The following KCNQ1 variants were observed in gnomAD, a reference collection of about 807,000 sequenced individuals.
KCNQ1 encodes the protein potassium voltage-gated channel subfamily Q member 1, also known as potassium voltage-gated channel subfamily KQT member 1.
In KCNQ1, 49 loss-of-function variants were observed where a neutral mutation model predicts 72.4. The ratio of observed to expected loss-of-function variants is 0.68; its 90% CI spans 0.54 to 0.86. The LOEUF is 0.86. Ranked by LOEUF, KCNQ1 falls within the 40% of genes least tolerant of loss-of-function variation. The pLI is 0.00. For missense variants in KCNQ1, 790 were observed against 945.1 expected (o/e 0.84, Z 2.15); for synonymous variants, 450 against 412.6 (o/e 1.09, Z -1.10).
chr11:2,497,266 A>G lies in KCNQ1; in HGVS notation c.387-30662A>G, dbSNP rs1422760987. On this transcript the variant is annotated intron_variant, in intron 1 of 15. Transcript: ENST00000155840. This position sits in a 1 kb window ranked among gnomAD's most constrained non-coding sequence, Gnocchi z 4.5. ...ATAATATCCTGAAGTGTGTTTTCCA[A>G]CTTGGTTCCATTCTCCCCGTCACTT... Among the ~76,000 whole-genome samples the G allele has an allele frequency of 1.3e-5, 2 of 152,106 alleles. No individual in the cohort carries two copies. Among genetic ancestry groups the G allele is most frequent in the Non-Finnish European group, 2.9e-5 (2 of 68,022 alleles).
chr11:2,586,775 C>T (rs933089825), intron 8 of KCNQ1, among the ~76,000 whole-genome samples: 6 of 152,250 alleles, frequency 3.9e-5, no homozygotes, highest in East Asian at 1.9e-4. Context: ...GGGGCTGTCA[C>T]CCAGGAGCCC....
In KCNQ1 at chr11:2,477,426, A is replaced by G. The variant is rs936168803; in HGVS notation, c.386+31942A>G. On this transcript the variant is annotated intron_variant, in intron 1 of 15. Transcript: ENST00000155840. The surrounding 1 kb of genome is among the most constrained non-coding windows in gnomAD (Gnocchi z 5.0). ...AATTAGGATGCCGTCTGCTACTGAG[A>G]GAGCCAGTCATGTTAGTGGCTCAAT... 6.6e-6 allele frequency among the ~76,000 whole-genome samples: 1 copy of G among 152,220 alleles called. No homozygotes were observed. Among genetic ancestry groups the G allele is most frequent in the Non-Finnish European group, 1.5e-5 (1 of 68,034 alleles).
intron 3 of KCNQ1, 121 bp from the exon 4 acceptor site, chr11:2,571,204 A>G (rs1459534449): frequency 1.2e-6 from 1 of 820,694 alleles, no homozygotes; most frequent in South Asian, 1.4e-5. Flanking sequence ...GTCCCCGGTC[A>G]TCAGGGCGTG....
rs918066338 is a variant in KCNQ1 at position 2,468,810 on chromosome 11, G to A, written c.386+23326G>A. On this transcript the variant is annotated intron_variant, in intron 1 of 15. Transcript: ENST00000155840. This position sits in a 1 kb window ranked among gnomAD's most constrained non-coding sequence, Gnocchi z 5.7. ...TGCACCTGTTGATGGACATGTGGGC[G>A]GCTGTATCCCATTTGGGCTCTCACA... 2.6e-5 allele frequency among the ~76,000 whole-genome samples: 4 copies of A among 152,154 alleles called. No individual in the cohort carries two copies. Among genetic ancestry groups the A allele is most frequent in the Admixed American group, 1.3e-4 (2 of 15,276 alleles).
chr11:2,459,170 C>T lies in KCNQ1; in HGVS notation c.386+13686C>T, dbSNP rs761226471. ...TGGCCATGTTACCTCAACTGCAAAA[C>T]GAGAGACGGACTTCCTTGGGACGCG... On this transcript the variant is annotated intron_variant, in intron 1 of 15. Coordinates refer to ENST00000155840, the MANE Select transcript of KCNQ1 (RefSeq NM_000218.3). Among the ~76,000 whole-genome samples, 38 of 152,200 alleles carry T rather than the reference C, an allele frequency of 2.5e-4. 1 individual carries two copies. The highest frequency in any genetic ancestry group is 7.7e-4 in the African/African-American group (32 of 41,452).
chr11:2,648,020 C>T, intron 10 of KCNQ1: 1 of 396,686 alleles, frequency 2.5e-6, no homozygotes. Context: ...TTGAGACCAG[C>T]CTGAGCAACA....
Position 2,682,185 on chromosome 11 carries a change from C to T in KCNQ1, c.1514+20104C>T, listed in dbSNP as rs765434276. The T allele has an allele frequency of 2.5e-6, 1 of 398,616 alleles. No individual in the cohort carries two copies. The highest frequency in any genetic ancestry group is 4.4e-6 in the Non-Finnish European group (1 of 226,090). The allele number at this position is 398,616 out of a possible 1,614,324, so 24.7% of individuals were successfully genotyped here. On this transcript the variant is annotated intron_variant, in intron 11 of 15. Transcript: ENST00000155840. The surrounding 1 kb of genome is among the most constrained non-coding windows in gnomAD (Gnocchi z 5.8). Reference sequence around the variant, plus strand: ...ATATCAAGCTCTCTCCTGACCTTCTCTCCCCTTCCCCAGGCCAGGACTGTC... The same window carrying T: ...ATATCAAGCTCTCTCCTGACCTTCTTTCCCCTTCCCCAGGCCAGGACTGTC...
In KCNQ1 at chr11:2,784,385, A is replaced by G. The variant is rs934109515; in HGVS notation, c.1794+6348A>G. Among the ~76,000 whole-genome samples the G allele has an allele frequency of 4.6e-5, 7 of 151,900 alleles. No individual in the cohort carries two copies. Among genetic ancestry groups the G allele is most frequent in the Non-Finnish European group, 7.4e-5 (5 of 67,816 alleles). On this transcript the variant is annotated intron_variant, in intron 15 of 15. Transcript: ENST00000155840. The surrounding 1 kb of genome is among the most constrained non-coding windows in gnomAD (Gnocchi z 4.7). ...GGTCTATATGCCTTTCTGTAAGTCT[A>G]TATGCCTTTCTGTAAACCCATACTA...
chr11:2,655,183 A>G (rs1849823523), intron 10 of KCNQ1: 1 of 398,482 alleles, frequency 2.5e-6, no homozygotes. Flanking sequence ...TGAGAGGGTG[A>G]GACTTGGCAG....
At chr11:2,505,689 T>C (rs926813509) in intron 1 of KCNQ1, among the ~76,000 whole-genome samples, 1 of 152,250 alleles carries the variant, frequency 6.6e-6, no homozygotes, top group Non-Finnish European at 1.5e-5. Flanking sequence ...TGTAACATCT[T>C]CTTGCAGCCT....
At chr11:2,572,160 G>C in intron 5 of KCNQ1, 51 bp downstream of exon 5, 1 of 1,406,184 alleles carries the variant, frequency 7.1e-7, no homozygotes, top group Non-Finnish European at 1.0e-6. Flanking sequence ...ACAGGACGGA[G>C]GGAGCAGAGC....
At chr11:2,596,947 AAAG>A (rs1215882625) in intron 10 of KCNQ1, among the ~76,000 whole-genome samples, 5 of 152,026 alleles carry the variant, frequency 3.3e-5, no homozygotes, top group African/African-American at 1.2e-4. Flanking sequence ...TTGATAACCT[AAAG>A]AAACCAGTTG....
Position 2,687,555 on chromosome 11 carries a change from C to A in KCNQ1, c.1514+25474C>A. 2 of 398,722 alleles carry A rather than the reference C, an allele frequency of 5.0e-6. No individual in the cohort carries two copies. Among genetic ancestry groups the A allele is most frequent in the Non-Finnish European group, 4.4e-6 (1 of 226,154 alleles). The allele number at this position is 398,722 out of a possible 1,614,324, so 24.7% of individuals were successfully genotyped here. On this transcript the variant is annotated intron_variant, in intron 11 of 15. Transcript: ENST00000155840. This position sits in a 1 kb window ranked among gnomAD's most constrained non-coding sequence, Gnocchi z 5.0. ...CCTTCCCTGGTGCACCTACCACAGC[C>A]CACTCTGATGACCCCCTGTCAAGGA...
rs1434843563 is a variant in KCNQ1 at position 2,762,896 on chromosome 11, C to A, written c.1515-5948C>A. Among the ~76,000 whole-genome samples, 4 of 152,054 alleles carry A rather than the reference C, an allele frequency of 2.6e-5. No individual in the cohort carries two copies. The highest frequency in any genetic ancestry group is 9.7e-5 in the African/African-American group (4 of 41,384). On this transcript the variant is annotated intron_variant, in intron 11 of 15. Coordinates refer to ENST00000155840, the MANE Select transcript of KCNQ1 (RefSeq NM_000218.3). This position sits in a 1 kb window ranked among gnomAD's most constrained non-coding sequence, Gnocchi z 4.3. ...GGAACCACTGCCCTATTCCGTCAGA[C>A]CCCCACTGTTCATCTGTCTGCCCAC...
At chr11:2,499,728 T>C (rs1846979582) in intron 1 of KCNQ1, among the ~76,000 whole-genome samples, 3 of 152,108 alleles carry the variant, frequency 2.0e-5, no homozygotes, top group Admixed American at 2.0e-4. Flanking sequence ...AAGAAGGTCA[T>C]TACATCATGA....
intron 10 of KCNQ1, among the ~76,000 whole-genome samples, chr11:2,596,755 G>A (rs963755633): frequency 6.6e-6 from 1 of 152,006 alleles, no homozygotes. Context: ...TGGGGCAGTG[G>A]ATATGTTCAT....
At chr11:2,836,191 G>A (rs940295862) in intron 15 of KCNQ1, among the ~76,000 whole-genome samples, 6 of 152,288 alleles carry the variant, frequency 3.9e-5, no homozygotes, top group African/African-American at 9.6e-5. Flanking sequence ...AGAGGGACAC[G>A]ACTAGTGGCT....
At chr11:2,456,125 G>T (rs1846187987) in intron 1 of KCNQ1, among the ~76,000 whole-genome samples, 2 of 152,084 alleles carry the variant, frequency 1.3e-5, no homozygotes, top group Admixed American at 1.3e-4. Flanking sequence ...GGATCATGGG[G>T]TCAGGAGTTT....
intron 15 of KCNQ1, among the ~76,000 whole-genome samples, chr11:2,845,611 C>T (rs898970390): frequency 6.6e-6 from 1 of 152,212 alleles, no homozygotes; most frequent in African/African-American, 2.4e-5. Context: ...CCTGGACCGT[C>T]AGACCTCGGA....
Sources: gnomAD v4.1 joint callset for allele counts (sites outside exome capture counted in the v4.1 genomes callset) on GRCh38, gnomAD v4.1.1 for gene constraint, Gnocchi (gnomAD v3.1) non-coding constraint, MANE v1.5 for transcripts, NCBI Gene and HGNC (gene_info 2026-07-23, HGNC 2026-07-21) for gene names.